RAPGEF1: variants seen among roughly 807,000 people sequenced by gnomAD.
RAPGEF1 encodes CRK SH3-binding GNRP.
A neutral mutation model predicts 143.3 loss-of-function variants in RAPGEF1; 33 were observed. The ratio of observed to expected loss-of-function variants is 0.23; its 90% CI spans 0.17 to 0.31. The LOEUF (loss-of-function observed/expected upper bound fraction) is 0.31, where lower values mean the gene tolerates loss of function less well. Ranked by LOEUF, RAPGEF1 falls within the 10% of genes least tolerant of loss-of-function variation. RAPGEF1 has a pLI of 1.00. For missense variants in RAPGEF1, 1,199 were observed against 1,645.4 expected (o/e 0.73, Z 4.69); for synonymous variants, 629 against 676.5 (o/e 0.93, Z 1.09).
intron 16 of RAPGEF1, among the ~76,000 whole-genome samples, chr9:131,597,834 A>G (rs1340441541): frequency 6.6e-6 from 1 of 151,850 alleles, no homozygotes; most frequent in Non-Finnish European, 1.5e-5. Context: ...CAGTGGAGCT[A>G]TTTTTTCAAC....
At chr9:131,622,935 T>G (rs749870608) in intron 10 of RAPGEF1, among the ~76,000 whole-genome samples, 6 of 152,168 alleles carry the variant, frequency 3.9e-5, no homozygotes, top group Non-Finnish European at 8.8e-5. Flanking sequence ...GTCCAGCTAA[T>G]TTTTGTATTT....
intron 1 of RAPGEF1, among the ~76,000 whole-genome samples, chr9:131,696,810 A>G (rs1009414743): frequency 1.4e-4 from 21 of 152,376 alleles, no homozygotes; most frequent in Middle Eastern, 3.4e-3. Flanking sequence ...CTATCATGAC[A>G]ATAAAAATAT....
intron 1 of RAPGEF1, chr9:131,709,498 T>C (rs1835352305): frequency 5.1e-6 from 4 of 789,040 alleles, no homozygotes; most frequent in East Asian, 2.6e-5. Flanking sequence ...CATGTTGGAC[T>C]ACCTGTGCTT....
intron 12 of RAPGEF1, among the ~76,000 whole-genome samples, chr9:131,608,635 T>A (rs1957499080): frequency 6.6e-6 from 1 of 152,118 alleles, no homozygotes; most frequent in African/African-American, 2.4e-5. Context: ...TGAGCTCACG[T>A]TCTGGTATTC....
intron 1 of RAPGEF1, among the ~76,000 whole-genome samples, chr9:131,727,300 T>A (rs570767464): frequency 6.6e-6 from 1 of 152,174 alleles, no homozygotes; most frequent in Non-Finnish European, 1.5e-5. Context: ...CATATAGTAG[T>A]GGGAATTTAC....
At position 131,598,232 on chromosome 9, in the gene RAPGEF1, G is replaced by C. The variant is rs371887703; in HGVS notation, c.2580C>G (p.Asn860Lys). 12 of 1,614,004 alleles carry C rather than the reference G, an allele frequency of 7.4e-6. No homozygotes were observed. In the South Asian group the frequency reaches 1.3e-4, roughly 18 times the overall value. Residue 860 changes from asparagine (N) to lysine (K), a missense_variant, in exon 16 of 27, where the codon AAC (asparagine) becomes AAG (lysine). Coordinates refer to ENST00000683357, the MANE Select transcript of RAPGEF1 (RefSeq NM_001377935.1). ...TGAGCGTCAGCCTGGACATAATTTCGTTGTGGTCAATGAGGGACAGCTCGT... is the reference window on the plus strand; with the variant it reads ...TGAGCGTCAGCCTGGACATAATTTCCTTGTGGTCAATGAGGGACAGCTCGT... ...EVDELSLIDH[N>K]EIMSRLTLKQ...
Position 131,584,405 on chromosome 9 carries a change from C to T in RAPGEF1, c.3320G>A (p.Arg1107Gln), listed in dbSNP as rs767298603. ...GTAGGAGTTGAAGTTATTCAGCTTC[C>T]GCAAGTGCTGCCGAGAGAGGGGCGG... ...LKFIKIMKHL[R>Q]KLNNFNSYLA... is the part of the protein sequence containing the mutation. Residue 1107 changes from arginine to glutamine, a missense_variant, in exon 24 of 27, where the codon CGG becomes CAG. By Grantham distance (43) the Arg-to-Gln change is conservative. Around this residue, in one of 6 missense-constraint regions of RAPGEF1, gnomAD observed 209 missense variants for 403.0 expected, o/e 0.52. Coordinates refer to ENST00000683357, the MANE Select transcript of RAPGEF1 (RefSeq NM_001377935.1). This position sits in a 1 kb window ranked among gnomAD's most constrained non-coding sequence, Gnocchi z 6.8. 6 of 1,613,846 alleles carry T rather than the reference C, an allele frequency of 3.7e-6. No homozygotes were observed. The highest frequency in any genetic ancestry group is 5.1e-6 in the Non-Finnish European group (6 of 1,179,840).
chr9:131,596,235 G>C (rs1955264273), intron 17 of RAPGEF1, 63 bp downstream of exon 17: 1 of 1,491,552 alleles, frequency 6.7e-7, no homozygotes, highest in Admixed American at 1.7e-5. Context: ...GGATAGCGGT[G>C]GGAGGCCGAG....
rs1962952249 is a variant in RAPGEF1 at position 131,626,133 on chromosome 9, C to A, written c.1491G>T (p.Arg497=). ...AGATGTTGTCATACTGCGAGGGATG[C>A]CGCTCGTAGGACACCCTGCAGCCAG... The part of the protein sequence containing the change: ...DGSGCRVSYE[R]HPSQYDNISG... Residue 497 remains arginine (R), a synonymous_variant, in exon 10 of 27, where the codon CGG becomes CGT. Coordinates refer to ENST00000683357, the MANE Select transcript of RAPGEF1 (RefSeq NM_001377935.1). 2 of 1,613,872 alleles carry A rather than the reference C, an allele frequency of 1.2e-6. No individual in the cohort carries two copies. Among genetic ancestry groups the A allele is most frequent in the Non-Finnish European group, 1.7e-6 (2 of 1,179,860 alleles).
At chr9:131,620,380 G>A (rs1378397698) in intron 11 of RAPGEF1, among the ~76,000 whole-genome samples, 1 of 151,940 alleles carries the variant, frequency 6.6e-6, no homozygotes, top group African/African-American at 2.4e-5. Context: ...TGGGAATATA[G>A]GCATGTGCCA....
At chr9:131,633,600 A>G (rs1305738501) in intron 5 of RAPGEF1, among the ~76,000 whole-genome samples, 1 of 152,232 alleles carries the variant, frequency 6.6e-6, no homozygotes, top group Non-Finnish European at 1.5e-5. Context: ...TGGCAAAACA[A>G]TCCTGGAATG....
At chr9:131,601,588 G>C (rs1295870923) in intron 15 of RAPGEF1, among the ~76,000 whole-genome samples, 1 of 152,104 alleles carries the variant, frequency 6.6e-6, no homozygotes, top group Non-Finnish European at 1.5e-5. Flanking sequence ...TCTATCCTGA[G>C]CTTGTATTAT....
chr9:131,622,042 A>C lies in RAPGEF1; in HGVS notation c.1703-44T>G, dbSNP rs1051377860. On this transcript the variant is annotated intron_variant, in intron 10 of 26. Transcript: ENST00000683357. ...AGCTGCAGCGAGGCCGGGGGAGGCCACATCAGGGAACCCCTCCCCCCATTC... is the reference window on the plus strand; with the variant it reads ...AGCTGCAGCGAGGCCGGGGGAGGCCCCATCAGGGAACCCCTCCCCCCATTC... 3.2e-6 allele frequency: 5 copies of C among 1,550,332 alleles called. No homozygotes were observed. In the African/African-American group the frequency reaches 6.8e-5, roughly 21 times the overall value.
chr9:131,646,920 C>T (rs1022409777), intron 3 of RAPGEF1, among the ~76,000 whole-genome samples: 2 of 152,150 alleles, frequency 1.3e-5, no homozygotes, highest in African/African-American at 2.4e-5. Context: ...CCAGGCTGTC[C>T]GGCAGCAGCA....
Position 131,650,297 on chromosome 9 carries a change from G to T in RAPGEF1, c.202-55C>A. ...GAGTTTGAAATGGCTGTTTGAGGCC[G>T]AAGGGAGGGGTTGATGAAAGTCAAT... On this transcript the variant is annotated intron_variant, in intron 2 of 26. Transcript: ENST00000683357. This position sits in a 1 kb window ranked among gnomAD's most constrained non-coding sequence, Gnocchi z 4.7. 7.3e-7 allele frequency: 1 copy of T among 1,362,332 alleles called. No individual in the cohort carries two copies. 84.4% of individuals were successfully genotyped at this position (1,362,332 alleles called of 1,614,324 possible).
Position 131,605,100 on chromosome 9 carries a change from G to A in RAPGEF1, c.2150C>T (p.Ser717Phe). ...VPPFLPPTSS[S>F]SPHFPPAHQS... ...GTGGGCAGGTGGGAAATGTGGAGAGGAAGAGGAGGTAGGCGGAAGGAAAGG... is the reference window on the plus strand; with the variant it reads ...GTGGGCAGGTGGGAAATGTGGAGAGAAAGAGGAGGTAGGCGGAAGGAAAGG... The change falls in exon 13 of 27, where the codon TCC becomes TTC. Residue 717 changes from serine to phenylalanine, a missense_variant. Coordinates refer to ENST00000683357, the MANE Select transcript of RAPGEF1 (RefSeq NM_001377935.1). The A allele has an allele frequency of 7.3e-7, 1 of 1,365,258 alleles. No individual in the cohort carries two copies. The allele number at this position is 1,365,258 out of a possible 1,614,324, so 84.6% of individuals were successfully genotyped here. A position where few individuals can be genotyped will look rare whatever the true frequency, so the allele number is the denominator to read the frequency against.
rs1951391996 is a variant in RAPGEF1, at chr9:131,578,017, C to G, written c.*1480G>C. The G allele has an allele frequency of 6.6e-6, 1 of 152,210 alleles. No homozygotes were observed. Among genetic ancestry groups the G allele is most frequent in the Non-Finnish European group, 1.5e-5 (1 of 68,038 alleles). The allele number at this position is 152,210 out of a possible 1,614,324, so 9.4% of individuals were successfully genotyped here. On this transcript the variant is annotated 3_prime_UTR_variant, in exon 27 of 27. Coordinates refer to ENST00000683357, the MANE Select transcript of RAPGEF1 (RefSeq NM_001377935.1). ...TTGCTTTCTATATTTTTCCTTTGTT[C>G]TGTTTGAACTGGGCTAAGTAAGCAC...
rs12342868 is a variant in RAPGEF1, at chr9:131,719,809, C to T, written c.61+19961G>A. Among the ~76,000 whole-genome samples the T allele has an allele frequency of 9.2e-3, 1,396 of 151,924 alleles. 23 individuals carry two copies. The highest frequency in any genetic ancestry group is 0.032 in the African/African-American group (1,327 of 41,444). ...GTTAAGATTTGTACATAGTCATACA[C>T]CGAATTGGGGCAAAGTTAGGGGAAT... On this transcript the variant is annotated intron_variant, in intron 1 of 26. Transcript: ENST00000683357.
intron 1 of RAPGEF1, among the ~76,000 whole-genome samples, chr9:131,699,904 A>G (rs995501129): frequency 2.0e-5 from 3 of 152,130 alleles, no homozygotes; most frequent in African/African-American, 7.2e-5. Flanking sequence ...CTCTCAAAAA[A>G]GCCTACACTT....
Sources: allele counts gnomAD v4.1 joint callset (sites outside exome capture counted in the v4.1 genomes callset), GRCh38; gene constraint gnomAD v4.1.1; regional missense constraint gnomAD v4.1.1; non-coding constraint Gnocchi (gnomAD v3.1); transcripts MANE v1.5; gene names NCBI Gene and HGNC (gene_info 2026-07-23, HGNC 2026-07-21).